MCPH1: variants seen among roughly 807,000 people sequenced by gnomAD.
The protein encoded by MCPH1 is microcephalin 1.
In MCPH1, 104 loss-of-function variants were observed where a neutral mutation model predicts 84.5. The observed-to-expected ratio is 1.23, with a 90% CI of 1.05 to 1.45. The LOEUF (loss-of-function observed/expected upper bound fraction) is 1.45, where lower values mean the gene tolerates loss of function less well. Among genes scored for constraint, MCPH1 ranks in the 40% most tolerant of loss-of-function variants. The pLI, the probability that MCPH1 is intolerant of heterozygous loss-of-function variation, is 0.00. For missense variants in MCPH1, 1,498 were observed against 1,005.7 expected (o/e 1.49, Z -6.62); for synonymous variants, 514 against 366.8 (o/e 1.40, Z -4.58).
intron 12 of MCPH1, among the ~76,000 whole-genome samples, chr8:6,600,047 C>G (rs527312312): frequency 6.6e-6 from 1 of 152,240 alleles, no homozygotes; most frequent in Admixed American, 6.5e-5. Flanking sequence ...CTTTTCCCCA[C>G]AGGAGCTGGT....
At chr8:6,528,211 C>G (rs962817293) in intron 12 of MCPH1, among the ~76,000 whole-genome samples, 5 of 152,124 alleles carry the variant, frequency 3.3e-5, no homozygotes, top group African/African-American at 1.2e-4. Context: ...ATGTCTCTAT[C>G]TTGGAAAGTG....
At chr8:6,595,264 G>C (rs948145909) in intron 12 of MCPH1, among the ~76,000 whole-genome samples, 1 of 152,176 alleles carries the variant, frequency 6.6e-6, no homozygotes, top group African/African-American at 2.4e-5. Context: ...TCCAGCAGAG[G>C]AGACACACAG....
At chr8:6,519,984 G>A (rs1817006467) in intron 12 of MCPH1, 1 of 1,613,476 alleles carries the variant, frequency 6.2e-7, no homozygotes, top group South Asian at 1.1e-5. Flanking sequence ...CAACAGTGGG[G>A]TCCTTAGCTG....
chr8:6,572,708 T>G (rs967838653), intron 12 of MCPH1, among the ~76,000 whole-genome samples: 1 of 152,232 alleles, frequency 6.6e-6, no homozygotes, highest in Admixed American at 6.5e-5. Context: ...AAAAGAGGTC[T>G]GTACTGTCTG....
chr8:6,506,961 G>A (rs951165513), intron 12 of MCPH1, among the ~76,000 whole-genome samples: 1 of 151,744 alleles, frequency 6.6e-6, no homozygotes, highest in Non-Finnish European at 1.5e-5. Flanking sequence ...GTACTGGTGC[G>A]ATCTCGGCTC....
chr8:6,597,024 G>C (rs1440651802), intron 12 of MCPH1, among the ~76,000 whole-genome samples: 1 of 152,196 alleles, frequency 6.6e-6, no homozygotes, highest in African/African-American at 2.4e-5. Flanking sequence ...AGGGTAGGAA[G>C]GATGCAATGG....
At chr8:6,521,528 T>C (rs7463438) in intron 12 of MCPH1, 1 of 760,064 alleles carries the variant, frequency 1.3e-6, no homozygotes, top group Non-Finnish European at 2.0e-6. Flanking sequence ...TATAAAGTAA[T>C]ATGATGTTAC....
intron 5 of MCPH1, among the ~76,000 whole-genome samples, chr8:6,437,149 TTTTC>T (rs1393943797): frequency 6.6e-6 from 1 of 152,148 alleles, no homozygotes; most frequent in African/African-American, 2.4e-5. Context: ...CTAGTTTTTG[TTTTC>T]TTTGTTTTAA....
At chr8:6,504,037 G>A (rs1444735199) in intron 12 of MCPH1, among the ~76,000 whole-genome samples, 2 of 152,202 alleles carry the variant, frequency 1.3e-5, no homozygotes, top group Non-Finnish European at 2.9e-5. Flanking sequence ...TATAAGCAGG[G>A]GCCGGGCGCA....
chr8:6,515,019 A>C (rs1240504747), intron 12 of MCPH1, among the ~76,000 whole-genome samples: 2 of 152,252 alleles, frequency 1.3e-5, no homozygotes, highest in African/African-American at 4.8e-5. Context: ...GTTGATGAGA[A>C]TATGACTCAC....
intron 12 of MCPH1, among the ~76,000 whole-genome samples, chr8:6,569,792 G>A (rs1826508299): frequency 6.6e-6 from 1 of 152,162 alleles, no homozygotes; most frequent in African/African-American, 2.4e-5. Context: ...ATTTAGTACT[G>A]GCCGTCACCT....
At chr8:6,500,729 C>G (rs1168201505) in intron 12 of MCPH1, 3 of 152,146 alleles carry the variant, frequency 2.0e-5, no homozygotes, top group Non-Finnish European at 4.4e-5. Flanking sequence ...GAGACAAAAG[C>G]TCCTCTCAGC....
chr8:6,521,706 T>G (rs1817376030), intron 12 of MCPH1, among the ~76,000 whole-genome samples: 1 of 152,200 alleles, frequency 6.6e-6, no homozygotes, highest in South Asian at 2.1e-4. Context: ...GTTTTTTGTA[T>G]TAGATGCTGC....
chr8:6,430,992 G>A (rs1299259973), intron 3 of MCPH1, among the ~76,000 whole-genome samples: 1 of 152,158 alleles, frequency 6.6e-6, no homozygotes. Context: ...AGGAGGAGGA[G>A]GCTTGGCAAT....
intron 12 of MCPH1, among the ~76,000 whole-genome samples, chr8:6,595,690 G>A (rs1431537259): frequency 6.6e-6 from 1 of 152,222 alleles, no homozygotes; most frequent in African/African-American, 2.4e-5. Flanking sequence ...AAGGTCTTCA[G>A]AGCATCATTC....
chr8:6,478,435 AT>A (rs1359681395), intron 10 of MCPH1, among the ~76,000 whole-genome samples: 2 of 152,230 alleles, frequency 1.3e-5, no homozygotes, highest in Non-Finnish European at 2.9e-5. Context: ...TATGTGTAAT[AT>A]TTTTTAAAGT....
chr8:6,567,678 G>A (rs1272291766), intron 12 of MCPH1, among the ~76,000 whole-genome samples: 1 of 152,130 alleles, frequency 6.6e-6, no homozygotes, highest in Non-Finnish European at 1.5e-5. Context: ...AAGGCATTAG[G>A]TGCAAAGCCT....
rs1550698 is a variant in MCPH1 at position 6,409,172 on chromosome 8, C to T, written c.23-107C>T. On this transcript the variant is annotated intron_variant, in intron 1 of 13. Transcript: ENST00000344683. The stretch of plus-strand genomic sequence containing the variant: ...CAGTGCTGGGATTACAGGCGTGAGC[C>T]ACTGTGCCGGCCTCGGTTTACTCTT... The T allele has an allele frequency of 0.25, 228,932 of 919,126 alleles. 33,473 individuals are homozygous for T. The highest frequency in any genetic ancestry group is 0.6 in the African/African-American group (36,698 of 60,894). The allele number at this position is 919,126 out of a possible 1,614,324, so 56.9% of individuals were successfully genotyped here.
At chr8:6,626,715 G>A in intron 13 of MCPH1, 1 of 985,360 alleles carries the variant, frequency 1.0e-6, no homozygotes, top group Non-Finnish European at 1.2e-6. Context: ...CCTGGGGTCT[G>A]AAGGAACTTG....
Sources: allele counts gnomAD v4.1 joint callset (sites outside exome capture counted in the v4.1 genomes callset), GRCh38; gene constraint gnomAD v4.1.1; transcripts MANE v1.5; gene names NCBI Gene and HGNC (gene_info 2026-07-23, HGNC 2026-07-21).